Variants in CNTRL observed in about 807,000 individuals in gnomAD.
CNTRL encodes 110 kDa centrosomal protein.
A neutral mutation model predicts 303.7 loss-of-function variants in CNTRL; 233 were observed. The observed-to-expected ratio is 0.77, with a 90% confidence interval of 0.69 to 0.86. The LOEUF is 0.86. Among genes scored for constraint, CNTRL ranks in the 40% least tolerant of loss-of-function variants. CNTRL has a pLI of 0.00. For missense variants in CNTRL, 2,524 were observed against 2,650.6 expected (o/e 0.95, Z 1.05); for synonymous variants, 900 against 922.2 (o/e 0.98, Z 0.44).
chr9:121,075,536 G>A (rs936231631), intron 1 of CNTRL, among the ~76,000 whole-genome samples: 1 of 152,208 alleles, frequency 6.6e-6, no homozygotes, highest in Non-Finnish European at 1.5e-5. Context: ...AATGCTAAAA[G>A]AAGGGGAAGA....
chr9:121,131,666 C>G (rs1300864783), intron 14 of CNTRL, among the ~76,000 whole-genome samples: 1 of 152,152 alleles, frequency 6.6e-6, no homozygotes, highest in Non-Finnish European at 1.5e-5. Context: ...TGGATTTGAT[C>G]CTGTTGTTAT....
intron 26 of CNTRL, among the ~76,000 whole-genome samples, chr9:121,154,477 T>C (rs1185533328): frequency 1.3e-5 from 2 of 152,266 alleles, no homozygotes; most frequent in African/African-American, 2.4e-5. Flanking sequence ...TTTGTTGTTA[T>C]ATTTAAAAGG....
intron 26 of CNTRL, among the ~76,000 whole-genome samples, chr9:121,153,730 C>T (rs1247482967): frequency 6.6e-6 from 1 of 152,196 alleles, no homozygotes; most frequent in African/African-American, 2.4e-5. Context: ...TGAATTATGA[C>T]AGTTCCCCAG....
In CNTRL at chr9:121,150,461, A is replaced by G. The variant is rs372529145; in HGVS notation, c.3941A>G (p.Asn1314Ser). The G allele has an allele frequency of 1.7e-5, 27 of 1,614,076 alleles. 1 individual carries two copies. In the African/African-American group the frequency reaches 2.5e-4, roughly 15 times the overall value. Residue 1314 changes from asparagine to serine, a missense_variant, in exon 25 of 44, where the codon AAC becomes AGC. Coordinates refer to ENST00000373855, the MANE Select transcript of CNTRL (RefSeq NM_007018.6). ...ATCCCTATGGGTGTGCTGCATTGCA[A>G]CGTCCCTGAACACCATAACTTAGTA... ...PFIPMGVLHCNVPEHHNLENE... is the reference protein window; with the variant it reads ...PFIPMGVLHCSVPEHHNLENE...
chr9:121,126,016 G>A, intron 14 of CNTRL, 80 bp downstream of exon 14: 2 of 1,204,246 alleles, frequency 1.7e-6, no homozygotes, highest in East Asian at 2.4e-5. Flanking sequence ...GGAGGTAACA[G>A]TACATTTTTA....
At chr9:121,167,363 A>C in intron 36 of CNTRL, 126 bp from the exon 37 acceptor site, 1 of 732,234 alleles carries the variant, frequency 1.4e-6, no homozygotes, top group Non-Finnish European at 2.2e-6. Context: ...AAGTTTATTG[A>C]GATAATAAAG....
chr9:121,109,336 A>T (rs1290157169), intron 8 of CNTRL, among the ~76,000 whole-genome samples: 1 of 152,204 alleles, frequency 6.6e-6, no homozygotes, highest in Non-Finnish European at 1.5e-5. Context: ...GAACTCAGAT[A>T]TGGAGAGTAG....
chr9:121,112,686 A>C (rs906942628), intron 9 of CNTRL, 108 bp downstream of exon 9: 1 of 1,152,896 alleles, frequency 8.7e-7, no homozygotes, highest in Non-Finnish European at 1.2e-6. Context: ...ATATCACTCC[A>C]CTTTCTTGTT....
At position 121,157,557 on chromosome 9, in the gene CNTRL, C is replaced by T; in HGVS notation, c.4453C>T (p.Gln1485Ter). ...SDAEELERRA[Q>*]ETAVNLVKAD... is the part of the protein sequence containing the mutation. ...TGCTGAGGAATTAGAAAGGAGAGCT[C>T]AGGAAACTGCTGTTAACCTCGTCAA... Residue 1485 changes from glutamine to a stop codon, truncating the protein, a stop_gained, in exon 28 of 44, where the codon CAG becomes TAG. Coordinates refer to ENST00000373855, the MANE Select transcript of CNTRL (RefSeq NM_007018.6). LOFTEE classifies it high-confidence loss of function. 3 of 1,614,088 alleles carry T rather than the reference C, an allele frequency of 1.9e-6. No individual in the cohort carries two copies. Among genetic ancestry groups the T allele is most frequent in the Non-Finnish European group, 2.5e-6 (3 of 1,179,990 alleles).
At chr9:121,084,479 G>A (rs1304750510) in intron 2 of CNTRL, among the ~76,000 whole-genome samples, 1 of 151,814 alleles carries the variant, frequency 6.6e-6, no homozygotes, top group Non-Finnish European at 1.5e-5. Flanking sequence ...GAGGCCTACA[G>A]TGTGCTATAT....
chr9:121,155,097 C>G lies in CNTRL; in HGVS notation c.4365+184C>G, dbSNP rs914037439. ...AATTTATGCAAGTCATATAAGTCCC[C>G]TGGCTTTGCTTTTCTTATCTATAAA... On this transcript the variant is annotated intron_variant, in intron 27 of 43. Transcript: ENST00000373855. The G allele has an allele frequency of 5.0e-6, 3 of 597,404 alleles. No homozygotes were observed. In the East Asian group the frequency reaches 8.6e-5, roughly 17 times the overall value. 37.0% of individuals were successfully genotyped at this position (597,404 alleles called of 1,614,324 possible).
intron 2 of CNTRL, among the ~76,000 whole-genome samples, chr9:121,084,381 TACTA>T (rs1327238792): frequency 3.9e-5 from 6 of 152,212 alleles, no homozygotes; most frequent in Non-Finnish European, 8.8e-5. Flanking sequence ...TTTGTTGAGA[TACTA>T]ACTAGTACAT....
At chr9:121,142,898 G>A (rs1269738038) in intron 19 of CNTRL, among the ~76,000 whole-genome samples, 1 of 151,498 alleles carries the variant, frequency 6.6e-6, no homozygotes, top group Admixed American at 6.6e-5. Context: ...AAATTTTGTG[G>A]TCTACCAACT....
chr9:121,150,921 A>G (rs1050825553), intron 25 of CNTRL, among the ~76,000 whole-genome samples: 2 of 152,210 alleles, frequency 1.3e-5, no homozygotes, highest in East Asian at 1.9e-4. Flanking sequence ...GTGTATGTAT[A>G]TATTCACTTA....
chr9:121,156,699 C>T (rs1485853469), intron 27 of CNTRL, among the ~76,000 whole-genome samples: 1 of 151,940 alleles, frequency 6.6e-6, no homozygotes, highest in South Asian at 2.1e-4. Flanking sequence ...ATTTTTGGAA[C>T]TTTTGATGTC....
At chr9:121,169,956 C>A in intron 39 of CNTRL, 140 bp downstream of exon 39, 4 of 718,184 alleles carry the variant, frequency 5.6e-6, no homozygotes, top group Non-Finnish European at 9.1e-6. Context: ...TGTATTTATG[C>A]ATCATTTGTC....
chr9:121,127,817 C>T (rs997718394), intron 14 of CNTRL, among the ~76,000 whole-genome samples: 43 of 130,222 alleles, frequency 3.3e-4, no homozygotes, highest in African/African-American at 1.2e-3. Flanking sequence ...ACGACAGGCC[C>T]CGGTGTGTGA....
intron 7 of CNTRL, 37 bp from the exon 8 acceptor site, chr9:121,107,765 T>C: frequency 8.1e-7 from 1 of 1,241,298 alleles, no homozygotes; most frequent in African/African-American, 1.6e-5. Context: ...AAATAGGAAA[T>C]ATAATGATAA....
At chr9:121,157,947 C>T (rs1564288982) in intron 29 of CNTRL, 36 bp from the exon 30 acceptor site, 2 of 1,614,066 alleles carry the variant, frequency 1.2e-6, no homozygotes, top group East Asian at 4.5e-5. Flanking sequence ...TTCCGAGTCC[C>T]TTAGGATCTG....
Sources: allele counts gnomAD v4.1 joint callset (sites outside exome capture counted in the v4.1 genomes callset), GRCh38; gene constraint gnomAD v4.1.1; transcripts MANE v1.5; gene names NCBI Gene and HGNC (gene_info 2026-07-23, HGNC 2026-07-21).